The following KCNG3 variants were observed in gnomAD, a reference collection of about 807,000 sequenced individuals.
The protein encoded by KCNG3 is potassium voltage-gated channel modifier subfamily G member 3, also known as voltage-gated potassium channel regulatory subunit KCNG3.
KCNG3 carries 15 observed loss-of-function variants against 29.0 expected under a neutral mutation model. The observed-to-expected ratio is 0.52, with a 90% CI of 0.35 to 0.80. The LOEUF (loss-of-function observed/expected upper bound fraction) is 0.80, where lower values mean the gene tolerates loss of function less well. Among genes scored for constraint, KCNG3 ranks in the 30% least tolerant of loss-of-function variants. KCNG3 has a pLI of 0.01. For synonymous variants in KCNG3, 322 were observed against 248.9 expected (o/e 1.29, Z -2.76); for missense variants, 512 against 605.7 (o/e 0.85, Z 1.62).
rs781293737 is a variant in KCNG3 at position 42,444,604 on chromosome 2, TG to T, written c.666-26del. On this transcript the variant is annotated intron_variant, in intron 1 of 1. Coordinates refer to ENST00000306078, the MANE Select transcript of KCNG3 (RefSeq NM_133329.6). This position sits in a 1 kb window ranked among gnomAD's most constrained non-coding sequence, Gnocchi z 5.8. ...CCTGTCAAGAGAACAAAAGAAGAAT[TG>T]ATCATTTTATTTTTAAGCATTTTAA... is the stretch of plus-strand genomic sequence containing the variant. 9 of 1,572,534 alleles carry T rather than the reference TG, an allele frequency of 5.7e-6. No homozygotes were observed. Among genetic ancestry groups the T allele is most frequent in the Non-Finnish European group, 7.8e-6 (9 of 1,159,522 alleles).
chr2:42,421,362 A>C, the KCNG3 span, among the ~76,000 whole-genome samples: 29 of 152,300 alleles, frequency 1.9e-4, no homozygotes, highest in African/African-American at 7.0e-4. Context: ...AGATGAACCT[A>C]ATCTATTATA....
At chr2:42,478,209 T>A (rs980765456) in intron 1 of KCNG3, among the ~76,000 whole-genome samples, 1 of 152,118 alleles carries the variant, frequency 6.6e-6, no homozygotes, top group Non-Finnish European at 1.5e-5. Flanking sequence ...GTAAATTACA[T>A]CTATCTATAT....
In KCNG3 at chr2:42,493,106, C is replaced by T. The variant is rs532335153; in HGVS notation, c.396G>A (p.Pro132=). ...GCGCCTCGTCGCGGCCCAGCACGCC[C>T]GGCTCGTCGGCCGAGTAGAAGGTGT... The part of the protein sequence containing the change: ...DTYTFYSADE[P]GVLGRDEARP... The change falls in exon 1 of 2, where the codon CCG becomes CCA. Residue 132 remains proline, a synonymous_variant. Transcript: ENST00000306078. The T allele has an allele frequency of 5.7e-5, 91 of 1,588,836 alleles. No individual in the cohort carries two copies. The highest frequency in any genetic ancestry group is 7.3e-5 in the Non-Finnish European group (86 of 1,172,182).
At chr2:42,401,366 T>C in the KCNG3 span, among the ~76,000 whole-genome samples, 1 of 150,426 alleles carries the variant, frequency 6.6e-6, no homozygotes, top group Non-Finnish European at 1.5e-5. Flanking sequence ...TAAAAGACAA[T>C]AGACTAGGAG....
At chr2:42,423,573 A>G in the KCNG3 span, among the ~76,000 whole-genome samples, 2 of 152,218 alleles carry the variant, frequency 1.3e-5, no homozygotes, top group Non-Finnish European at 2.9e-5. Context: ...CAGATCGTCA[A>G]GGGTCTGTCT....
chr2:42,488,662 G>A (rs953015644), intron 1 of KCNG3, among the ~76,000 whole-genome samples: 5 of 151,098 alleles, frequency 3.3e-5, no homozygotes, highest in African/African-American at 4.9e-5. Flanking sequence ...TGATTCTCCT[G>A]CCTCAGCCTC....
At chr2:42,411,534 G>C in the KCNG3 span, among the ~76,000 whole-genome samples, 2 of 152,088 alleles carry the variant, frequency 1.3e-5, no homozygotes, top group African/African-American at 4.8e-5. Flanking sequence ...CCAGGCTGGA[G>C]TGCAGTAGCG....
intron 1 of KCNG3, among the ~76,000 whole-genome samples, chr2:42,467,352 G>C (rs1673166120): frequency 6.6e-6 from 1 of 152,122 alleles, no homozygotes; most frequent in African/African-American, 2.4e-5. Context: ...AATTAAAAAA[G>C]CAGTCACCAA....
chr2:42,461,041 G>C (rs561477087), intron 1 of KCNG3, among the ~76,000 whole-genome samples: 1 of 151,806 alleles, frequency 6.6e-6, no homozygotes, highest in South Asian at 2.1e-4. Context: ...TGCGTCTGTA[G>C]TCCCAGCTAC....
chr2:42,435,422 G>T, the KCNG3 span, among the ~76,000 whole-genome samples: 2 of 151,956 alleles, frequency 1.3e-5, no homozygotes, highest in African/African-American at 4.8e-5. Context: ...AGATAAATTG[G>T]GAAACATCAA....
chr2:42,418,721 T>C, the KCNG3 span, among the ~76,000 whole-genome samples: 1 of 152,302 alleles, frequency 6.6e-6, no homozygotes, highest in South Asian at 2.1e-4. Context: ...TTTTGAAGTA[T>C]GCACACAAAT....
the KCNG3 span, among the ~76,000 whole-genome samples, chr2:42,391,089 C>G: frequency 4.3e-4 from 66 of 152,332 alleles, 1 homozygote; most frequent in Admixed American, 3.6e-3. Context: ...TCCCAGACAG[C>G]TCTGCCAGGA....
At chr2:42,401,262 G>T in the KCNG3 span, among the ~76,000 whole-genome samples, 1 of 149,468 alleles carries the variant, frequency 6.7e-6, no homozygotes, top group African/African-American at 2.5e-5. Context: ...TGTATAATAT[G>T]TGTATACATC....
intron 1 of KCNG3, among the ~76,000 whole-genome samples, chr2:42,472,041 T>C (rs1210457752): frequency 6.6e-6 from 1 of 152,174 alleles, no homozygotes; most frequent in African/African-American, 2.4e-5. Context: ...TATAAATCAG[T>C]AGAACTACTC....
chr2:42,445,437 C>T (rs921403673), intron 1 of KCNG3, among the ~76,000 whole-genome samples: 1 of 152,066 alleles, frequency 6.6e-6, no homozygotes, highest in African/African-American at 2.4e-5. Flanking sequence ...ATACTGGCAC[C>T]GAGCAAGTTT....
chr2:42,401,963 G>C, the KCNG3 span, among the ~76,000 whole-genome samples: 1 of 152,190 alleles, frequency 6.6e-6, no homozygotes, highest in Non-Finnish European at 1.5e-5. Context: ...TGTCAACATG[G>C]CTGGGCTACG....
chr2:42,469,695 G>A (rs747232938), intron 1 of KCNG3: 2 of 152,500 alleles, frequency 1.3e-5, no homozygotes, highest in African/African-American at 2.4e-5. Flanking sequence ...TTATGATCTT[G>A]GAGACGATAT....
At chr2:42,464,532 G>A (rs1200193098) in intron 1 of KCNG3, among the ~76,000 whole-genome samples, 1 of 152,186 alleles carries the variant, frequency 6.6e-6, no homozygotes, top group East Asian at 1.9e-4. Flanking sequence ...AGGTATTGCT[G>A]ACTCCTAACT....
At chr2:42,438,524 G>T (rs192735825), downstream of KCNG3, among the ~76,000 whole-genome samples, 1 of 152,234 alleles carries the variant, frequency 6.6e-6, no homozygotes, top group East Asian at 1.9e-4. Context: ...ATTTGGTATA[G>T]TCTTGTTGAT....
Sources: allele counts gnomAD v4.1 joint callset (sites outside exome capture counted in the v4.1 genomes callset), GRCh38; gene constraint gnomAD v4.1.1; non-coding constraint Gnocchi (gnomAD v3.1); transcripts MANE v1.5; gene names NCBI Gene and HGNC (gene_info 2026-07-23, HGNC 2026-07-21).